Variants in CDH23 observed in about 807,000 individuals in gnomAD.
The protein encoded by CDH23 is cadherin related 23.
CDH23 carries 189 observed loss-of-function variants against 317.1 expected under a neutral mutation model. That is an observed-to-expected ratio of 0.60 (90% CI 0.53 to 0.67). The LOEUF (loss-of-function observed/expected upper bound fraction) is 0.67. Ranked by LOEUF, CDH23 falls within the 30% of genes least tolerant of loss-of-function variation. The pLI is 0.00. For synonymous variants in CDH23, 1,839 were observed against 1,876.8 expected, an observed-to-expected ratio of 0.98 and a Z score of 0.52; for missense variants, 4,401 against 4,592.4, an observed-to-expected ratio of 0.96 and a Z score of 1.20.
At chr10:71,777,956 C>G in intron 39 of CDH23, 55 bp downstream of exon 39, 4 of 1,583,450 alleles carry the variant, frequency 2.5e-6, no homozygotes, top group Non-Finnish European at 3.5e-6. Context: ...CAGGGATTGG[C>G]AAGGAGTTCA....
At chr10:71,403,326 CCTTTCTTT>C (rs201389920) in intron 1 of CDH23, among the ~76,000 whole-genome samples, 1,688 of 59,848 alleles carry the variant, frequency 0.028, 47 homozygotes, top group Non-Finnish European at 0.034. Flanking sequence ...TTCCTTCCTT[CCTTTCTTT>C]CTTTCTTTCT....
chr10:71,487,345 T>C (rs1852405738), intron 3 of CDH23, among the ~76,000 whole-genome samples: 1 of 152,176 alleles, frequency 6.6e-6, no homozygotes, highest in Non-Finnish European at 1.5e-5. Context: ...GAAATCCTCA[T>C]ATAACTTTTG....
chr10:71,701,907 A>G, intron 22 of CDH23, 115 bp from the exon 23 acceptor site: 2 of 1,117,398 alleles, frequency 1.8e-6, no homozygotes, highest in Non-Finnish European at 1.3e-6. Flanking sequence ...TTCCTGGGCC[A>G]GAGCCAGGAT....
At chr10:71,515,399 C>CAT (rs1854264670) in intron 6 of CDH23, among the ~76,000 whole-genome samples, 2 of 138,616 alleles carry the variant, frequency 1.4e-5, no homozygotes, top group African/African-American at 2.8e-5. Context: ...CTCTCTCACA[C>CAT]ACACACACAC....
At chr10:71,417,278 T>C (rs1848577251) in intron 1 of CDH23, among the ~76,000 whole-genome samples, 2 of 152,268 alleles carry the variant, frequency 1.3e-5, no homozygotes, top group South Asian at 4.1e-4. Flanking sequence ...GGTTTCACCA[T>C]GTTGGCCAGG....
intron 3 of CDH23, among the ~76,000 whole-genome samples, chr10:71,474,794 C>T (rs1851704041): frequency 6.6e-6 from 1 of 152,204 alleles, no homozygotes; most frequent in African/African-American, 2.4e-5. Context: ...GGGTTGTGCT[C>T]AGAGCAGACA....
intron 1 of CDH23, among the ~76,000 whole-genome samples, chr10:71,431,645 A>G (rs1056957190): frequency 8.5e-5 from 13 of 152,266 alleles, no homozygotes; most frequent in African/African-American, 3.1e-4. Flanking sequence ...ATGGGAATTC[A>G]TAACAGTTCA....
intron 9 of CDH23, among the ~76,000 whole-genome samples, chr10:71,586,103 C>T (rs75092896): frequency 0.016 from 2,477 of 152,296 alleles, 58 homozygotes; most frequent in African/African-American, 0.057. Context: ...AAAGCATGGA[C>T]TGCACGGGCT....
chr10:71,670,498 G>A (rs960646853), intron 14 of CDH23, among the ~76,000 whole-genome samples: 1 of 152,168 alleles, frequency 6.6e-6, no homozygotes, highest in Non-Finnish European at 1.5e-5. Flanking sequence ...AGGGGCTCCC[G>A]GGTCAAGACC....
chr10:71,530,253 C>T (rs747769079), intron 6 of CDH23, among the ~76,000 whole-genome samples: 5 of 152,182 alleles, frequency 3.3e-5, no homozygotes, highest in Non-Finnish European at 5.9e-5. Context: ...AACAAGCCCT[C>T]CTTGGGGGCT....
chr10:71,671,579 G>T (rs1864147525), intron 14 of CDH23, among the ~76,000 whole-genome samples: 1 of 152,162 alleles, frequency 6.6e-6, no homozygotes, highest in African/African-American at 2.4e-5. Flanking sequence ...TCTTGCTTGG[G>T]AGGAGGTTGT....
intron 9 of CDH23, among the ~76,000 whole-genome samples, chr10:71,599,735 C>G (rs1450163346): frequency 6.6e-6 from 1 of 152,200 alleles, no homozygotes; most frequent in African/African-American, 2.4e-5. Context: ...GACAGGAGTC[C>G]AGACTTGAGC....
chr10:71,419,600 T>C (rs996299670), intron 1 of CDH23, among the ~76,000 whole-genome samples: 2 of 152,208 alleles, frequency 1.3e-5, no homozygotes, highest in African/African-American at 4.8e-5. Flanking sequence ...AAAAGACTTG[T>C]CCAGTGAACC....
intron 22 of CDH23, 79 bp from the exon 23 acceptor site, chr10:71,701,943 A>G (rs1456155635): frequency 1.4e-6 from 2 of 1,477,776 alleles, no homozygotes; most frequent in Non-Finnish European, 1.9e-6. Context: ...CCAACGTCTG[A>G]GCTCAGATAC....
intron 14 of CDH23, among the ~76,000 whole-genome samples, chr10:71,654,727 C>T (rs1004389): frequency 0.66 from 99,620 of 151,960 alleles, 32,976 homozygotes; most frequent in African/African-American, 0.72. Context: ...CCCAAGCACC[C>T]ACATGTAGCC....
intron 28 of CDH23, among the ~76,000 whole-genome samples, chr10:71,723,741 G>A (rs1866672472): frequency 6.6e-6 from 1 of 152,218 alleles, no homozygotes; most frequent in Non-Finnish European, 1.5e-5. Flanking sequence ...GAGAAAGCCT[G>A]GACCCAGCGA....
At chr10:71,653,525 G>A (rs1175760911) in intron 14 of CDH23, among the ~76,000 whole-genome samples, 1 of 152,244 alleles carries the variant, frequency 6.6e-6, no homozygotes, top group Non-Finnish European at 1.5e-5. Context: ...AGGAAAGCCA[G>A]TTCACTGCCT....
At chr10:71,726,082 CG>C (rs1422153815) in intron 30 of CDH23, among the ~76,000 whole-genome samples, 1 of 152,144 alleles carries the variant, frequency 6.6e-6, no homozygotes, top group Non-Finnish European at 1.5e-5. Flanking sequence ...TTAGTCCTCC[CG>C]AATGGCTGAA....
At chr10:71,780,199 C>T (rs893720504) in intron 41 of CDH23, among the ~76,000 whole-genome samples, 3 of 152,188 alleles carry the variant, frequency 2.0e-5, no homozygotes, top group African/African-American at 7.2e-5. Flanking sequence ...TTCTTGAGTA[C>T]CTCCAGTGTG....
Sources: allele counts gnomAD v4.1 joint callset (sites outside exome capture counted in the v4.1 genomes callset), GRCh38; gene constraint gnomAD v4.1.1; transcripts MANE v1.5; gene names NCBI Gene and HGNC (gene_info 2026-07-23, HGNC 2026-07-21).